PRUNE2: variants seen among roughly 807,000 people sequenced by gnomAD.
PRUNE2 encodes protein prune homolog 2.
In PRUNE2, 164 loss-of-function variants were observed where a neutral mutation model predicts 252.0. That is an observed-to-expected ratio of 0.65 (90% CI 0.57 to 0.74). PRUNE2 has a LOEUF of 0.74. PRUNE2 is among the 30% of genes least tolerant of loss of function. The pLI is 0.00. For synonymous variants in PRUNE2, 1,292 were observed against 1,350.2 expected (o/e 0.96, Z 0.94); for missense variants, 3,495 against 3,711.0 (o/e 0.94, Z 1.51).
At chr9:76,869,049 C>T (rs1005076247) in intron 1 of PRUNE2, 15 of 152,206 alleles carry the variant, frequency 9.9e-5, no homozygotes, top group African/African-American at 3.6e-4. Flanking sequence ...GGTCTTCTCC[C>T]CCTATGAACA....
chr9:76,670,199 G>A (rs762089835), intron 9 of PRUNE2, among the ~76,000 whole-genome samples: 10 of 152,304 alleles, frequency 6.6e-5, no homozygotes, highest in South Asian at 2.1e-4. Flanking sequence ...TGCGCGCACC[G>A]TGCGCGAGCC....
intron 14 of PRUNE2, 26 bp from the exon 15 acceptor site, chr9:76,636,583 C>T: frequency 8.2e-7 from 1 of 1,212,628 alleles, no homozygotes; most frequent in Non-Finnish European, 1.2e-6. Context: ...AAAAAAAATA[C>T]ATTACTCTTA....
chr9:76,809,165 C>T (rs1025766664), intron 6 of PRUNE2, among the ~76,000 whole-genome samples: 1 of 152,216 alleles, frequency 6.6e-6, no homozygotes, highest in African/African-American at 2.4e-5. Flanking sequence ...TGATCTACCT[C>T]CCCTTCCCAA....
intron 9 of PRUNE2, among the ~76,000 whole-genome samples, chr9:76,678,213 G>A (rs764535324): frequency 2.0e-5 from 3 of 151,810 alleles, no homozygotes; most frequent in South Asian, 2.1e-4. Flanking sequence ...TTAGCCAGAC[G>A]TGGTGGTGGG....
intron 4 of PRUNE2, 148 bp from the exon 5 acceptor site, chr9:76,826,880 A>G: frequency 5.1e-6 from 3 of 593,494 alleles, no homozygotes; most frequent in Non-Finnish European, 8.6e-6. Context: ...AACATTCAAG[A>G]GCCAATTTTT....
intron 1 of PRUNE2, among the ~76,000 whole-genome samples, chr9:76,901,082 C>G (rs2063143170): frequency 6.6e-6 from 1 of 152,176 alleles, no homozygotes; most frequent in Non-Finnish European, 1.5e-5. Context: ...GGGAGCACCT[C>G]TCTTCCTTTG....
In PRUNE2 at chr9:76,705,091, G is replaced by C. The variant is rs775617827; in HGVS notation, c.7183C>G (p.Pro2395Ala). ...TCTGTGAGATAAGACAAATCAAAGG[G>C]AGGTGTGTACGGTGCCAGCGACTGC... ...LKQSLAPYTP[P>A]FDLSYLTEPA... Residue 2395 changes from proline (P) to alanine (A), a missense_variant, in exon 8 of 19, where the codon CCC (proline) becomes GCC (alanine). By Grantham distance (27) the Pro-to-Ala change is conservative. Transcript: ENST00000376718. 1.9e-6 allele frequency: 3 copies of C among 1,613,898 alleles called. No homozygotes were observed. Among genetic ancestry groups the C allele is most frequent in the South Asian group, 1.1e-5 (1 of 91,084 alleles).
At chr9:76,811,969 C>T (rs540834088) in intron 6 of PRUNE2, among the ~76,000 whole-genome samples, 3 of 152,022 alleles carry the variant, frequency 2.0e-5, no homozygotes, top group Non-Finnish European at 2.9e-5. Context: ...TGTGGACATA[C>T]GGAAGAGGAA....
At chr9:76,837,626 CA>C (rs139787755) in intron 4 of PRUNE2, among the ~76,000 whole-genome samples, 23,874 of 149,508 alleles carry the variant, frequency 0.16, 2,069 homozygotes, top group Admixed American at 0.24. Flanking sequence ...AAGACTGATA[CA>C]AAAAAAAATT....
chr9:76,839,384 G>GTA (rs1327538172), intron 4 of PRUNE2, among the ~76,000 whole-genome samples: 6 of 152,160 alleles, frequency 3.9e-5, no homozygotes, highest in African/African-American at 1.4e-4. Context: ...CTCCTGATAG[G>GTA]CAGAAAGAGA....
chr9:76,840,981 CAAA>C (rs1292037313), intron 4 of PRUNE2, among the ~76,000 whole-genome samples: 2 of 127,544 alleles, frequency 1.6e-5, no homozygotes, highest in Non-Finnish European at 3.4e-5. Context: ...GACTTCCTCT[CAAA>C]AAAAAAAAAA....
rs760795173 is a variant in PRUNE2 at position 76,707,890 on chromosome 9, C to T, written c.4384G>A (p.Asp1462Asn). The T allele has an allele frequency of 1.1e-5, 17 of 1,613,716 alleles. No individual in the cohort carries two copies. The highest frequency in any genetic ancestry group is 8.3e-5 in the Admixed American group (5 of 59,996). ...FTKYVSVPEK[D>N]LEKTEECNFL... ...TTACATTCTTCAGTTTTCTCAAGAT[C>T]CTTTTCAGGTACAGATACATATTTT... is the stretch of plus-strand genomic sequence containing the variant. Residue 1462 changes from aspartate (D) to asparagine (N), a missense_variant, in exon 8 of 19, where the codon GAT (aspartate) becomes AAT (asparagine). By Grantham distance (23) the Asp-to-Asn change is conservative. Transcript: ENST00000376718.
At chr9:76,661,350 CTCCTG>C (rs1355774007) in intron 9 of PRUNE2, among the ~76,000 whole-genome samples, 1 of 152,216 alleles carries the variant, frequency 6.6e-6, no homozygotes, top group Non-Finnish European at 1.5e-5. Flanking sequence ...TTAAGCGATT[CTCCTG>C]CCTCAGCCTC....
intron 18 of PRUNE2, 58 bp downstream of exon 18, chr9:76,619,282 G>T (rs1831071544): frequency 1.7e-6 from 2 of 1,158,428 alleles, no homozygotes; most frequent in Non-Finnish European, 2.6e-6. Flanking sequence ...TTCTTTCAGA[G>T]CCCAGCCATA....
chr9:76,869,416 CAGA>C (rs1165332787), intron 1 of PRUNE2, among the ~76,000 whole-genome samples: 2 of 152,220 alleles, frequency 1.3e-5, no homozygotes, highest in African/African-American at 4.8e-5. Context: ...TTTTCAGTGA[CAGA>C]AGAACTCTCA....
chr9:76,685,937 A>G (rs504484), intron 9 of PRUNE2, among the ~76,000 whole-genome samples: 85,383 of 152,046 alleles, frequency 0.56, 27,510 homozygotes, highest in South Asian at 0.72. Flanking sequence ...GGAGAGAGAG[A>G]AACCTAAGTT....
chr9:76,791,685 C>T (rs1284343092), intron 6 of PRUNE2, among the ~76,000 whole-genome samples: 2 of 152,164 alleles, frequency 1.3e-5, no homozygotes, highest in African/African-American at 2.4e-5. Flanking sequence ...TTTATCTCAT[C>T]AAAGGAAGAC....
At chr9:76,796,786 T>C (rs1293509080) in intron 6 of PRUNE2, among the ~76,000 whole-genome samples, 1 of 152,164 alleles carries the variant, frequency 6.6e-6, no homozygotes, top group Non-Finnish European at 1.5e-5. Flanking sequence ...CCCGTGTGGG[T>C]AGACCCCATC....
chr9:76,705,685 C>T lies in PRUNE2; in HGVS notation c.6589G>A (p.Gly2197Ser), dbSNP rs1455694229. Residue 2197 changes from glycine to serine, a missense_variant, in exon 8 of 19, where the codon GGT (glycine) becomes AGT (serine). Coordinates refer to ENST00000376718, the MANE Select transcript of PRUNE2 (RefSeq NM_015225.3). ...KGSPEPSEIN[G>S]DNSTGLQVSE... ...ACTTGTAAACCTGTACTGTTGTCAC[C>T]GTTTATTTCAGAAGGTTCAGGTGAA... 3.7e-6 allele frequency: 6 copies of T among 1,613,804 alleles called. No individual in the cohort carries two copies. The highest frequency in any genetic ancestry group is 2.7e-5 in the African/African-American group (2 of 74,882).
Sources: gnomAD v4.1 joint callset for allele counts (sites outside exome capture counted in the v4.1 genomes callset) on GRCh38, gnomAD v4.1.1 for gene constraint, MANE v1.5 for transcripts, NCBI Gene and HGNC (gene_info 2026-07-23, HGNC 2026-07-21) for gene names.